Variants in CCDC7 observed in about 807,000 individuals in gnomAD.
The protein encoded by CCDC7 is coiled-coil domain containing 7.
Under a neutral mutation model 196.9 loss-of-function variants are expected in CCDC7, and 183 were observed. The observed-to-expected ratio is 0.93, with a 90% CI of 0.82 to 1.05. The LOEUF (loss-of-function observed/expected upper bound fraction) is 1.05, where lower values mean the gene tolerates loss of function less well. Ranked by LOEUF, CCDC7 falls within the 50% of genes least tolerant of loss-of-function variation. The pLI, the probability that CCDC7 is intolerant of heterozygous loss-of-function variation, is 0.00. For synonymous variants in CCDC7, 525 were observed against 484.6 expected, an observed-to-expected ratio of 1.08 and a Z score of -1.10; for missense variants, 1,540 against 1,482.2, an observed-to-expected ratio of 1.04 and a Z score of -0.64.
intron 33 of CCDC7, among the ~76,000 whole-genome samples, chr10:32,839,148 A>G (rs2092809815): frequency 6.6e-6 from 1 of 151,924 alleles, no homozygotes; most frequent in Admixed American, 6.6e-5. Flanking sequence ...CAATACTAAC[A>G]TTGAATGTAA....
chr10:32,738,613 A>G (rs1046907799), intron 28 of CCDC7, among the ~76,000 whole-genome samples: 6 of 150,960 alleles, frequency 4.0e-5, no homozygotes, highest in Non-Finnish European at 5.9e-5. Flanking sequence ...ACCTGGGACT[A>G]CAGGCACATG....
At chr10:32,860,118 A>T (rs1217172331) in intron 41 of CCDC7, among the ~76,000 whole-genome samples, 1 of 152,166 alleles carries the variant, frequency 6.6e-6, no homozygotes, top group Non-Finnish European at 1.5e-5. Flanking sequence ...AAAAAAAGAA[A>T]ATTTCAGGCC....
chr10:32,635,473 T>G (rs972705155), intron 20 of CCDC7, among the ~76,000 whole-genome samples: 3 of 152,146 alleles, frequency 2.0e-5, no homozygotes, highest in Non-Finnish European at 4.4e-5. Context: ...AGGGACCTGC[T>G]TTATCATTTT....
intron 24 of CCDC7, among the ~76,000 whole-genome samples, chr10:32,706,825 T>C (rs1291754244): frequency 6.6e-6 from 1 of 152,190 alleles, no homozygotes; most frequent in Non-Finnish European, 1.5e-5. Flanking sequence ...GAGGCAATAA[T>C]TAATAGCTTA....
chr10:32,715,179 G>A (rs975864778), intron 25 of CCDC7, among the ~76,000 whole-genome samples: 1 of 152,160 alleles, frequency 6.6e-6, no homozygotes, highest in Non-Finnish European at 1.5e-5. Flanking sequence ...TGCCCCTCTG[G>A]GACAAAGCTT....
chr10:32,505,914 A>C (rs1589295727), intron 9 of CCDC7, among the ~76,000 whole-genome samples: 1 of 120,614 alleles, frequency 8.3e-6, no homozygotes. Flanking sequence ...CCTCCCAGAC[A>C]GGGTGGCGGC....
chr10:32,711,488 C>A, intron 24 of CCDC7, 132 bp from the exon 26 acceptor site: 1 of 559,370 alleles, frequency 1.8e-6, no homozygotes, highest in Non-Finnish European at 3.1e-6. Flanking sequence ...TCAGAGCTAG[C>A]ATTAAGGTAG....
intron 1 of CCDC7, among the ~76,000 whole-genome samples, chr10:32,452,913 G>A (rs1297817536): frequency 6.6e-6 from 1 of 152,176 alleles, no homozygotes; most frequent in East Asian, 1.9e-4. Context: ...TACAGTACAA[G>A]TTTGTTGAAA....
At chr10:32,577,553 C>G (rs1199129244) in intron 16 of CCDC7, among the ~76,000 whole-genome samples, 2 of 152,128 alleles carry the variant, frequency 1.3e-5, no homozygotes, top group African/African-American at 4.8e-5. Context: ...ATCTCAACAA[C>G]TCACCATCAT....
intron 30 of CCDC7, among the ~76,000 whole-genome samples, chr10:32,807,158 C>G (rs1448551683): frequency 6.6e-6 from 1 of 152,134 alleles, no homozygotes; most frequent in Non-Finnish European, 1.5e-5. Flanking sequence ...ACCTCTGACA[C>G]TAACTTGAAC....
intron 25 of CCDC7, among the ~76,000 whole-genome samples, chr10:32,715,457 A>G (rs1028759350): frequency 2.0e-5 from 3 of 152,188 alleles, no homozygotes; most frequent in Admixed American, 1.3e-4. Context: ...CCAGTGCAAA[A>G]AGGCTGAAAA....
intron 9 of CCDC7, among the ~76,000 whole-genome samples, chr10:32,504,456 C>T (rs2044574486): frequency 6.6e-6 from 1 of 152,088 alleles, no homozygotes; most frequent in South Asian, 2.1e-4. Context: ...GAACTATTGG[C>T]TTAATTTGTT....
chr10:32,703,349 C>G (rs980629972), intron 24 of CCDC7, among the ~76,000 whole-genome samples: 1 of 151,702 alleles, frequency 6.6e-6, no homozygotes, highest in Admixed American at 6.6e-5. Flanking sequence ...GGCCCCCACT[C>G]TCTTCCGGCT....
intron 21 of CCDC7, among the ~76,000 whole-genome samples, chr10:32,682,934 T>C (rs2076032270): frequency 6.6e-6 from 1 of 152,132 alleles, no homozygotes; most frequent in Admixed American, 6.5e-5. Flanking sequence ...TTTTCTCCTA[T>C]TCTGTAGGTT....
chr10:32,733,542 G>C (rs1205430676), intron 28 of CCDC7, among the ~76,000 whole-genome samples: 1 of 152,042 alleles, frequency 6.6e-6, no homozygotes, highest in Non-Finnish European at 1.5e-5. Flanking sequence ...TTTTTAATTA[G>C]AGTAAGCTGA....
At chr10:32,674,254 C>A (rs561889589) in intron 21 of CCDC7, among the ~76,000 whole-genome samples, 52 of 151,802 alleles carry the variant, frequency 3.4e-4, no homozygotes, top group Non-Finnish European at 7.1e-4. Context: ...TTTGCTGCAT[C>A]CTGCTGTAAG....
intron 16 of CCDC7, among the ~76,000 whole-genome samples, chr10:32,579,449 A>G (rs1278726482): frequency 6.6e-6 from 1 of 152,152 alleles, no homozygotes; most frequent in Non-Finnish European, 1.5e-5. Flanking sequence ...TTCTCGGTTT[A>G]ATAATTCAGA....
At chr10:32,641,007 T>G (rs1419691671) in intron 20 of CCDC7, among the ~76,000 whole-genome samples, 5 of 152,260 alleles carry the variant, frequency 3.3e-5, no homozygotes, top group African/African-American at 1.2e-4. Flanking sequence ...GTATGGATTT[T>G]CTGCCGAGAG....
chr10:32,565,456 T>G (rs956425962), intron 13 of CCDC7, 102 bp from the exon 15 acceptor site: 30 of 1,206,592 alleles, frequency 2.5e-5, no homozygotes, highest in Non-Finnish European at 2.1e-5. Flanking sequence ...TGCTCAATTC[T>G]TATCTTGGGT....
Sources: gnomAD v4.1 joint callset for allele counts (sites outside exome capture counted in the v4.1 genomes callset) on GRCh38, gnomAD v4.1.1 for gene constraint, MANE v1.5 for transcripts, NCBI Gene and HGNC (gene_info 2026-07-23, HGNC 2026-07-21) for gene names.